FTO: variants seen among roughly 807,000 people sequenced by gnomAD.
FTO encodes the protein alpha-ketoglutarate-dependent dioxygenase FTO.
A neutral mutation model predicts 63.9 loss-of-function variants in FTO; 47 were observed. That is an observed-to-expected ratio of 0.74 (90% CI 0.58 to 0.94). The LOEUF (loss-of-function observed/expected upper bound fraction) is 0.94. Among genes scored for constraint, FTO ranks in the 40% least tolerant of loss-of-function variants. The probability of loss-of-function intolerance (pLI) is 0.00; values close to 1 mark genes in which losing one functional copy is unlikely to be tolerated. For synonymous variants in FTO, 207 were observed against 224.4 expected, an observed-to-expected ratio of 0.92 and a Z score of 0.69; for missense variants, 562 against 618.1, an observed-to-expected ratio of 0.91 and a Z score of 0.96.
chr16:53,888,433 TAGTAGCTTGGCCAA>T (rs2081063077), intron 6 of FTO, among the ~76,000 whole-genome samples: 1 of 151,286 alleles, frequency 6.6e-6, no homozygotes, highest in South Asian at 2.1e-4. Context: ...GCCAATTTAT[TAGTAGCTTGGCCAA>T]TTTATTTTTA....
chr16:53,882,373 G>GAAAAAAAAA (rs4002060), intron 6 of FTO, among the ~76,000 whole-genome samples: 1 of 144,624 alleles, frequency 6.9e-6, no homozygotes. Flanking sequence ...AGTGCTACAG[G>GAAAAAAAAA]AAAAAAAAAA....
intron 4 of FTO, 135 bp from the exon 5 acceptor site, chr16:53,873,651 T>C: frequency 1.5e-6 from 1 of 673,810 alleles, no homozygotes. Context: ...GAATACAAGG[T>C]AAGTATTGAT....
intron 1 of FTO, among the ~76,000 whole-genome samples, chr16:53,769,681 C>T (rs1007804325): frequency 3.9e-5 from 6 of 151,994 alleles, no homozygotes; most frequent in African/African-American, 1.2e-4. Flanking sequence ...GTTATTGCTG[C>T]AACGTACCCT....
chr16:53,829,498 G>A (rs556728003), intron 3 of FTO, among the ~76,000 whole-genome samples: 1 of 152,380 alleles, frequency 6.6e-6, no homozygotes, highest in South Asian at 2.1e-4. Context: ...TAAGTGACAA[G>A]TGATATCTGT....
intron 6 of FTO, among the ~76,000 whole-genome samples, chr16:53,883,571 G>A (rs1207031091): frequency 7.4e-6 from 1 of 135,552 alleles, no homozygotes; most frequent in Non-Finnish European, 1.5e-5. Flanking sequence ...GCAGTGAGCC[G>A]AGATTGTGCC....
At chr16:53,768,262 A>G (rs1268526312) in intron 1 of FTO, among the ~76,000 whole-genome samples, 1 of 152,226 alleles carries the variant, frequency 6.6e-6, no homozygotes, top group Non-Finnish European at 1.5e-5. Context: ...AGCCATATGA[A>G]TTTTGACCAT....
chr16:53,859,406 T>G (rs1300689842), intron 4 of FTO, among the ~76,000 whole-genome samples: 1 of 151,872 alleles, frequency 6.6e-6, no homozygotes, highest in East Asian at 1.9e-4. Flanking sequence ...TGTGGTAAGT[T>G]TCTAGTATGT....
intron 7 of FTO, among the ~76,000 whole-genome samples, chr16:53,931,050 C>T (rs1283048740): frequency 6.6e-6 from 1 of 152,112 alleles, no homozygotes; most frequent in Admixed American, 6.5e-5. Flanking sequence ...TTTCTTACAT[C>T]CTTCCCCTCT....
At chr16:53,769,244 G>A (rs8055197) in intron 1 of FTO, among the ~76,000 whole-genome samples, 87,317 of 152,004 alleles carry the variant, frequency 0.57, 25,854 homozygotes, top group African/African-American at 0.72. Context: ...GATGAAAATG[G>A]AGCTACCTTG....
Position 53,777,837 on chromosome 16 carries a change from GAA to G in FTO, c.46-32299_46-32298del, listed in dbSNP as rs778359437. On this transcript the variant is annotated intron_variant, in intron 1 of 8. Transcript: ENST00000471389. Reference sequence around the variant, plus strand: ...GCAAGCTCACTTGATTAATTGTTGAGAAAAAGTCTGCCAAATACTCAAGTCCG... The same window carrying G: ...GCAAGCTCACTTGATTAATTGTTGAGAAAGTCTGCCAAATACTCAAGTCCG... Among the ~76,000 whole-genome samples, 52 of 152,110 alleles carry G rather than the reference GAA, an allele frequency of 3.4e-4. 1 individual carries two copies. Among genetic ancestry groups the G allele is most frequent in the Admixed American group, 7.2e-4 (11 of 15,266 alleles).
intron 4 of FTO, among the ~76,000 whole-genome samples, chr16:53,862,790 C>T (rs1310868400): frequency 6.6e-6 from 1 of 152,132 alleles, no homozygotes; most frequent in Non-Finnish European, 1.5e-5. Context: ...AGTAATCCAT[C>T]TGCCTTGGAC....
intron 5 of FTO, among the ~76,000 whole-genome samples, chr16:53,878,153 C>A (rs55750122): frequency 0.031 from 4,667 of 152,206 alleles, 242 homozygotes; most frequent in African/African-American, 0.11. Context: ...CAAAAATTAG[C>A]TGGGCGTGGT....
rs774908366 is a variant in FTO, at chr16:54,111,963, C to T, written c.*48C>T. 4.4e-6 allele frequency: 7 copies of T among 1,607,722 alleles called. No homozygotes were observed. In the South Asian group the frequency reaches 6.6e-5, roughly 15 times the overall value. On this transcript the variant is annotated 3_prime_UTR_variant, in exon 9 of 9. Transcript: ENST00000471389. Reference sequence around the variant, plus strand: ...AGGAGAAAAAGAGATCGGCTTTTCTCCTCCAACGTTGTCATGGGCTTAAGC... The same window carrying T: ...AGGAGAAAAAGAGATCGGCTTTTCTTCTCCAACGTTGTCATGGGCTTAAGC...
intron 1 of FTO, among the ~76,000 whole-genome samples, chr16:53,763,648 C>T (rs1812948238): frequency 6.6e-6 from 1 of 152,114 alleles, no homozygotes; most frequent in Non-Finnish European, 1.5e-5. Context: ...AAGTTTCTGT[C>T]ACTTATAAAG....
intron 1 of FTO, among the ~76,000 whole-genome samples, chr16:53,794,628 C>T (rs938062417): frequency 2.0e-5 from 3 of 152,134 alleles, no homozygotes; most frequent in African/African-American, 7.2e-5. Flanking sequence ...TTATATGGAG[C>T]TGTGGGTCTT....
chr16:53,919,764 C>T (rs1286933495), intron 7 of FTO, among the ~76,000 whole-genome samples: 1 of 152,040 alleles, frequency 6.6e-6, no homozygotes, highest in Non-Finnish European at 1.5e-5. Flanking sequence ...TGTTCTCACT[C>T]GTAAGTGGGA....
intron 4 of FTO, among the ~76,000 whole-genome samples, chr16:53,872,556 T>A (rs937867530): frequency 1.3e-5 from 2 of 152,252 alleles, no homozygotes; most frequent in African/African-American, 4.8e-5. Flanking sequence ...GTTTCTCTTC[T>A]CCATGGGATT....
chr16:53,954,600 G>A (rs1264286648), intron 8 of FTO, among the ~76,000 whole-genome samples: 3 of 152,106 alleles, frequency 2.0e-5, no homozygotes, highest in African/African-American at 7.2e-5. Context: ...GATGCATTCA[G>A]GAAGGGTGCT....
At chr16:53,958,818 G>T (rs922211048) in intron 8 of FTO, among the ~76,000 whole-genome samples, 1 of 152,134 alleles carries the variant, frequency 6.6e-6, no homozygotes, top group East Asian at 1.9e-4. Flanking sequence ...TCACCATGGA[G>T]CTCCAGGCAG....
Sources: allele counts gnomAD v4.1 joint callset (sites outside exome capture counted in the v4.1 genomes callset), GRCh38; gene constraint gnomAD v4.1.1; transcripts MANE v1.5; gene names NCBI Gene and HGNC (gene_info 2026-07-23, HGNC 2026-07-21).